Variants in PTPRD observed in about 807,000 individuals in gnomAD.
PTPRD encodes the protein protein tyrosine phosphatase receptor type D.
A neutral mutation model predicts 214.5 loss-of-function variants in PTPRD; 34 were observed. That is an observed-to-expected ratio of 0.16 (90% CI 0.12 to 0.21). The LOEUF is 0.21. Among genes scored for constraint, PTPRD ranks in the 10% least tolerant of loss-of-function variants. The probability of loss-of-function intolerance (pLI) is 1.00; values close to 1 mark genes in which losing one functional copy is unlikely to be tolerated. For synonymous variants in PTPRD, 1,128 were observed against 845.7 expected, an observed-to-expected ratio of 1.33 and a Z score of -5.79; for missense variants, 2,545 against 2,398.7, an observed-to-expected ratio of 1.06 and a Z score of -1.27.
chr9:9,730,216 T>C (rs191806312), intron 7 of PTPRD, among the ~76,000 whole-genome samples: 47 of 152,268 alleles, frequency 3.1e-4, no homozygotes, highest in Non-Finnish European at 5.7e-4. Context: ...TTGAAAGATA[T>C]TGTATGACTA....
At chr9:10,132,907 G>T (rs113773596) in intron 3 of PTPRD, among the ~76,000 whole-genome samples, 1 of 152,116 alleles carries the variant, frequency 6.6e-6, no homozygotes. Context: ...ACTTTGGCCT[G>T]TATGGCCAAT....
At chr9:9,027,208 C>G (rs182482126) in intron 10 of PTPRD, among the ~76,000 whole-genome samples, 2 of 151,774 alleles carry the variant, frequency 1.3e-5, no homozygotes, top group Non-Finnish European at 2.9e-5. Flanking sequence ...CCAAATGTAA[C>G]GATAAACCAA....
At chr9:10,203,870 CTATAAAT>C (rs981812461) in intron 3 of PTPRD, among the ~76,000 whole-genome samples, 9 of 152,012 alleles carry the variant, frequency 5.9e-5, no homozygotes, top group African/African-American at 2.2e-4. Context: ...TTTTCCTAAC[CTATAAAT>C]TATAAAGATT....
chr9:10,224,076 TAA>T (rs1335941597), intron 3 of PTPRD, among the ~76,000 whole-genome samples: 2 of 151,968 alleles, frequency 1.3e-5, no homozygotes, highest in African/African-American at 2.4e-5. Context: ...CATATAATAT[TAA>T]GTCTATGAAG....
At chr9:9,330,318 C>T (rs1352653148) in intron 9 of PTPRD, among the ~76,000 whole-genome samples, 1 of 152,064 alleles carries the variant, frequency 6.6e-6, no homozygotes, top group African/African-American at 2.4e-5. Flanking sequence ...ATTTTAAGAA[C>T]CTCTGATTGA....
At chr9:10,420,039 T>C (rs2098531652) in intron 2 of PTPRD, among the ~76,000 whole-genome samples, 1 of 151,792 alleles carries the variant, frequency 6.6e-6, no homozygotes, top group African/African-American at 2.4e-5. Context: ...CTTTATACTG[T>C]TTAATTTCTA....
chr9:8,482,351 C>A (rs370277272), intron 30 of PTPRD, among the ~76,000 whole-genome samples: 2 of 152,170 alleles, frequency 1.3e-5, no homozygotes, highest in African/African-American at 2.4e-5. Flanking sequence ...CCATCATCAT[C>A]ATCTTCCTTT....
chr9:8,394,027 C>A (rs1042382864), intron 36 of PTPRD, among the ~76,000 whole-genome samples: 6 of 152,018 alleles, frequency 3.9e-5, no homozygotes, highest in African/African-American at 1.4e-4. Flanking sequence ...GCACAACAAG[C>A]CATAGCAAAC....
chr9:9,391,051 C>T (rs10816116), intron 9 of PTPRD, among the ~76,000 whole-genome samples: 40,284 of 151,924 alleles, frequency 0.27, 5,467 homozygotes, highest in Middle Eastern at 0.3. Context: ...GCATAAGAGA[C>T]TGCATTAAGT....
At chr9:8,834,815 C>G (rs966341467) in intron 11 of PTPRD, among the ~76,000 whole-genome samples, 4 of 152,212 alleles carry the variant, frequency 2.6e-5, no homozygotes, top group East Asian at 3.8e-4. Context: ...CTCTGTGGCT[C>G]TGGGCAAAAT....
chr9:8,666,004 G>A lies in PTPRD; in HGVS notation c.65-29160C>T, dbSNP rs540389847. On this transcript the variant is annotated intron_variant, in intron 12 of 45. Transcript: ENST00000381196. The stretch of plus-strand genomic sequence containing the variant: ...TAAAGAACTGAACAATTATTTCCCC[G>A]TAATTATTACTGCACATTTAGGCGT... 2.0e-5 allele frequency among the ~76,000 whole-genome samples: 3 copies of A among 150,100 alleles called. No homozygotes were observed. The South Asian group carries it at 6.3e-4, about 32-fold the overall frequency.
intron 4 of PTPRD, among the ~76,000 whole-genome samples, chr9:9,967,608 T>A (rs1053919976): frequency 6.6e-6 from 1 of 152,168 alleles, no homozygotes; most frequent in Admixed American, 6.5e-5. Flanking sequence ...ATGAGGTTCA[T>A]AGGGTTTAAG....
chr9:9,651,613 T>C (rs1461114799), intron 7 of PTPRD, among the ~76,000 whole-genome samples: 3 of 152,178 alleles, frequency 2.0e-5, no homozygotes, highest in Admixed American at 6.5e-5. Flanking sequence ...ATGGTATATA[T>C]GTACCACATT....
intron 2 of PTPRD, among the ~76,000 whole-genome samples, chr9:10,377,039 C>A (rs1445806503): frequency 6.6e-6 from 1 of 151,926 alleles, no homozygotes; most frequent in African/African-American, 2.4e-5. Flanking sequence ...CCATCCCCCC[C>A]TTCCACCCAC....
At chr9:10,090,408 G>A (rs941850876) in intron 3 of PTPRD, among the ~76,000 whole-genome samples, 2 of 151,284 alleles carry the variant, frequency 1.3e-5, no homozygotes, top group African/African-American at 2.4e-5. Flanking sequence ...AGTGAGGGAC[G>A]TATATTGATT....
At chr9:10,455,820 A>C (rs1038720148) in intron 2 of PTPRD, among the ~76,000 whole-genome samples, 4 of 151,318 alleles carry the variant, frequency 2.6e-5, no homozygotes, top group African/African-American at 9.8e-5. Context: ...ACTCCTACTG[A>C]ATGTGATTAC....
At chr9:8,580,546 C>T (rs968414839) in intron 14 of PTPRD, among the ~76,000 whole-genome samples, 7 of 152,070 alleles carry the variant, frequency 4.6e-5, no homozygotes, top group Admixed American at 2.0e-4. Context: ...TACCAAAGTA[C>T]GTGATAGTCT....
intron 2 of PTPRD, among the ~76,000 whole-genome samples, chr9:10,582,996 T>C (rs1184637299): frequency 6.6e-6 from 1 of 152,214 alleles, no homozygotes; most frequent in Non-Finnish European, 1.5e-5. Flanking sequence ...TGAACTAATG[T>C]CTATATTAGG....
intron 3 of PTPRD, among the ~76,000 whole-genome samples, chr9:10,313,801 G>A (rs2096340636): frequency 2.0e-5 from 3 of 151,908 alleles, no homozygotes; most frequent in African/African-American, 7.2e-5. Flanking sequence ...GCCTGTTAGA[G>A]GCCTTCCATA....
Sources: allele counts gnomAD v4.1 joint callset (sites outside exome capture counted in the v4.1 genomes callset), GRCh38; gene constraint gnomAD v4.1.1; transcripts MANE v1.5; gene names NCBI Gene and HGNC (gene_info 2026-07-23, HGNC 2026-07-21).